Variants in STK33 observed in about 807,000 individuals in gnomAD.
The protein encoded by STK33 is serine/threonine-protein kinase 33.
STK33 carries 52 observed loss-of-function variants against 58.0 expected under a neutral mutation model. The ratio of observed to expected loss-of-function variants is 0.90; its 90% CI spans 0.72 to 1.13. The LOEUF (loss-of-function observed/expected upper bound fraction) is 1.13, where lower values mean the gene tolerates loss of function less well. STK33 is among the 50% of genes most tolerant of loss of function. The pLI, the probability that STK33 is intolerant of heterozygous loss-of-function variation, is 0.00. For synonymous variants in STK33, 215 were observed against 200.1 expected (o/e 1.07, Z -0.63); for missense variants, 630 against 604.2 (o/e 1.04, Z -0.45).
chr11:8,570,602 G>A (rs1162853568), intron 1 of STK33, among the ~76,000 whole-genome samples: 4 of 152,144 alleles, frequency 2.6e-5, no homozygotes, highest in Admixed American at 2.6e-4. Context: ...AGTAAGTTAT[G>A]GGTGCACACA....
At chr11:8,560,304 T>C (rs1957033901) in intron 1 of STK33, among the ~76,000 whole-genome samples, 1 of 152,172 alleles carries the variant, frequency 6.6e-6, no homozygotes, top group African/African-American at 2.4e-5. Context: ...ATTTGATAAA[T>C]GAAAAATAGC....
the STK33 span, among the ~76,000 whole-genome samples, chr11:8,335,794 T>C: frequency 3.9e-5 from 6 of 152,154 alleles, no homozygotes; most frequent in Non-Finnish European, 7.3e-5. Context: ...ACATTATGAA[T>C]GAGATATTTT....
chr11:8,527,342 C>A (rs1283162529), intron 1 of STK33, among the ~76,000 whole-genome samples: 4 of 152,138 alleles, frequency 2.6e-5, no homozygotes, highest in Non-Finnish European at 5.9e-5. Flanking sequence ...GGGCTTCTGG[C>A]ATGTTGACAA....
chr11:8,483,555 G>A (rs1328438566), intron 1 of STK33, among the ~76,000 whole-genome samples: 2 of 152,128 alleles, frequency 1.3e-5, no homozygotes, highest in Non-Finnish European at 2.9e-5. Flanking sequence ...TCAGACACAG[G>A]TTTTAGTGAA....
chr11:8,370,080 G>A, the STK33 span, among the ~76,000 whole-genome samples: 1 of 152,242 alleles, frequency 6.6e-6, no homozygotes, highest in African/African-American at 2.4e-5. Flanking sequence ...GACCCCGTCT[G>A]AGGGGCCACC....
At chr11:8,371,755 CCCTT>C in the STK33 span, among the ~76,000 whole-genome samples, 1 of 141,060 alleles carries the variant, frequency 7.1e-6, no homozygotes, top group Non-Finnish European at 1.5e-5. Flanking sequence ...CTCTCTCCCT[CCCTT>C]CCTCTTTCCC....
intron 11 of STK33, among the ~76,000 whole-genome samples, chr11:8,449,949 T>C (rs551158419): frequency 3.6e-4 from 55 of 152,296 alleles, no homozygotes; most frequent in African/African-American, 1.3e-3. Context: ...TTTTACACCG[T>C]TGGTGGGAGT....
intron 14 of STK33, among the ~76,000 whole-genome samples, chr11:8,421,996 G>A (rs1349614170): frequency 6.6e-6 from 1 of 151,796 alleles, no homozygotes; most frequent in East Asian, 1.9e-4. Flanking sequence ...TCTTATTTCT[G>A]TTTTTCAAGT....
At chr11:8,551,528 T>C (rs773253410) in intron 1 of STK33, among the ~76,000 whole-genome samples, 9 of 152,208 alleles carry the variant, frequency 5.9e-5, no homozygotes, top group Admixed American at 2.6e-4. Context: ...TAAATCTCCC[T>C]GAGTTTTCAC....
At position 8,534,564 on chromosome 11, in the gene STK33, C is replaced by CTGTGTG. The variant is rs1308409632; in HGVS notation, c.-465-53951_-465-53950insCACACA. ...TCTCTCTCTCTCTCTCTCTCTCTCT[C>CTGTGTG]TCTCTGTGTGTGTGTGTGTGTGTGT... On this transcript the variant is annotated intron_variant, in intron 1 of 15. Coordinates refer to ENST00000687296, the MANE Select transcript of STK33 (RefSeq NM_001352389.2). Among the ~76,000 whole-genome samples the CTGTGTG allele has an allele frequency of 9.4e-3, 1,118 of 118,326 alleles. 11 individuals are homozygous for CTGTGTG. The highest frequency in any genetic ancestry group is 0.037 in the South Asian group (135 of 3,694). 77.6% of individuals were successfully genotyped at this position (118,326 alleles called of 152,430 possible).
chr11:8,499,137 G>A (rs1013952875), intron 1 of STK33, among the ~76,000 whole-genome samples: 1 of 152,160 alleles, frequency 6.6e-6, no homozygotes, highest in Non-Finnish European at 1.5e-5. Context: ...TCCTCAGAGT[G>A]AACAGGCAAC....
intron 15 of STK33, among the ~76,000 whole-genome samples, chr11:8,396,896 G>A (rs943460188): frequency 6.6e-6 from 1 of 152,302 alleles, no homozygotes; most frequent in East Asian, 1.9e-4. Flanking sequence ...AAACTGCAAG[G>A]CTGCAACGAG....
At chr11:8,435,677 A>T (rs963778236) in intron 13 of STK33, 98 bp from the exon 14 acceptor site, 1 of 587,946 alleles carries the variant, frequency 1.7e-6, no homozygotes, top group African/African-American at 1.9e-5. Context: ...AACAGGAAAG[A>T]AAGATGCCAA....
At chr11:8,499,039 A>C (rs1951295866) in intron 1 of STK33, among the ~76,000 whole-genome samples, 1 of 152,224 alleles carries the variant, frequency 6.6e-6, no homozygotes, top group African/African-American at 2.4e-5. Context: ...ATTCATGACT[A>C]AAACACCAAA....
chr11:8,529,689 T>C (rs2140092385), intron 1 of STK33, among the ~76,000 whole-genome samples: 1 of 151,552 alleles, frequency 6.6e-6, no homozygotes, highest in South Asian at 2.1e-4. Context: ...AGTCTCAGAG[T>C]GATACAGTAT....
At chr11:8,378,219 G>C in the STK33 span, among the ~76,000 whole-genome samples, 9 of 152,162 alleles carry the variant, frequency 5.9e-5, no homozygotes, top group Non-Finnish European at 8.8e-5. Flanking sequence ...AGAGCGAAGT[G>C]GGGGGAAGCC....
At chr11:8,378,366 A>C in the STK33 span, among the ~76,000 whole-genome samples, 355 of 152,296 alleles carry the variant, frequency 2.3e-3, 4 homozygotes, top group African/African-American at 8.2e-3. Context: ...TAAAAACACA[A>C]AATTAGCTGG....
At chr11:8,431,118 G>A (rs1943375986) in intron 14 of STK33, among the ~76,000 whole-genome samples, 1 of 152,046 alleles carries the variant, frequency 6.6e-6, no homozygotes, top group Non-Finnish European at 1.5e-5. Flanking sequence ...GCCTGCCTCG[G>A]CCTCCCAAAG....
intron 1 of STK33, among the ~76,000 whole-genome samples, chr11:8,550,610 A>G (rs1956238376): frequency 6.6e-6 from 1 of 152,222 alleles, no homozygotes; most frequent in African/African-American, 2.4e-5. Context: ...CTCAAGTTCA[A>G]AGTTCCACAA....
Sources: allele counts gnomAD v4.1 joint callset (sites outside exome capture counted in the v4.1 genomes callset), GRCh38; gene constraint gnomAD v4.1.1; transcripts MANE v1.5; gene names NCBI Gene and HGNC (gene_info 2026-07-23, HGNC 2026-07-21).